PTPRS: variants seen among roughly 807,000 people sequenced by gnomAD.
PTPRS encodes the protein protein tyrosine phosphatase receptor type S, also known as receptor-type tyrosine-protein phosphatase S.
A neutral mutation model predicts 215.3 loss-of-function variants in PTPRS; 63 were observed. That is an observed-to-expected ratio of 0.29 (90% CI 0.24 to 0.36). PTPRS has a LOEUF of 0.36. Ranked by LOEUF, PTPRS falls within the 10% of genes least tolerant of loss-of-function variation. PTPRS has a pLI of 1.00. For missense variants in PTPRS, 2,258 were observed against 2,825.8 expected, an observed-to-expected ratio of 0.80 and a Z score of 4.56; for synonymous variants, 1,404 against 1,191.4, an observed-to-expected ratio of 1.18 and a Z score of -3.68.
At chr19:5,254,650 C>T (rs2045415573) in intron 9 of PTPRS, among the ~76,000 whole-genome samples, 1 of 152,164 alleles carries the variant, frequency 6.6e-6, no homozygotes, top group Non-Finnish European at 1.5e-5. Flanking sequence ...CAGAATTCCA[C>T]AGCTCTGATG....
intron 16 of PTPRS, among the ~76,000 whole-genome samples, chr19:5,226,482 G>A (rs541965624): frequency 5.9e-5 from 9 of 151,944 alleles, no homozygotes; most frequent in African/African-American, 2.2e-4. Context: ...TGTAATCCCA[G>A]CACTTTGGGA....
chr19:5,225,612 G>GCTGCCTGGTGCACCCT lies in PTPRS; in HGVS notation c.2494+99_2494+114dup, dbSNP rs574780771. On this transcript the variant is annotated intron_variant, in intron 17 of 37. Transcript: ENST00000262963. ...CTCACACCTTTGTCTCACTGTTCCA[G>GCTGCCTGGTGCACCCT]CTGCCTGGTGCACCCTCTGCCTGCC... is the stretch of plus-strand genomic sequence containing the variant. 290 of 930,208 alleles carry GCTGCCTGGTGCACCCT rather than the reference G, an allele frequency of 3.1e-4. 2 individuals carry two copies. In the African/African-American group the frequency reaches 4.3e-3, roughly 14 times the overall value. 57.6% of individuals were successfully genotyped at this position (930,208 alleles called of 1,614,324 possible). A position where few individuals can be genotyped will look rare whatever the true frequency, so the allele number is the denominator to read the frequency against.
At chr19:5,303,423 T>C (rs2049366058) in intron 1 of PTPRS, among the ~76,000 whole-genome samples, 1 of 152,140 alleles carries the variant, frequency 6.6e-6, no homozygotes, top group Non-Finnish European at 1.5e-5. Flanking sequence ...GCTAGAGCTG[T>C]CTTGAGTGCT....
Position 5,332,150 on chromosome 19 carries a change from A to G in PTPRS, c.-95+8514T>C, listed in dbSNP as rs1378252005. Reference sequence around the variant, plus strand: ...GGGCAATTTTTTTTTTTTTTTAGACAGAGTCTCACTCTATCGCCCAGGCTG... The same window carrying G: ...GGGCAATTTTTTTTTTTTTTTAGACGGAGTCTCACTCTATCGCCCAGGCTG... On this transcript the variant is annotated intron_variant, in intron 1 of 37. Coordinates refer to ENST00000262963, the MANE Select transcript of PTPRS (RefSeq NM_002850.4). 6.6e-5 allele frequency among the ~76,000 whole-genome samples: 10 copies of G among 151,142 alleles called. No homozygotes were observed. The East Asian group carries it at 1.5e-3, about 23-fold the overall frequency.
At chr19:5,225,087 TTTC>T (rs2042361067) in intron 17 of PTPRS, among the ~76,000 whole-genome samples, 1 of 152,116 alleles carries the variant, frequency 6.6e-6, no homozygotes, top group Non-Finnish European at 1.5e-5. Flanking sequence ...GCAGCCTCTT[TTTC>T]TTAATTCAGC....
intron 13 of PTPRS, among the ~76,000 whole-genome samples, chr19:5,235,089 C>T (rs987951204): frequency 3.3e-5 from 5 of 152,092 alleles, no homozygotes; most frequent in African/African-American, 7.2e-5. Context: ...TACAGGCGCC[C>T]GCCACCACGC....
intron 1 of PTPRS, among the ~76,000 whole-genome samples, chr19:5,328,816 A>G (rs2050237972): frequency 6.6e-6 from 1 of 152,114 alleles, no homozygotes. Flanking sequence ...CCAGCTACTC[A>G]GGAGGTTGAG....
In PTPRS at chr19:5,257,441, T is replaced by C. The variant is rs2045647364; in HGVS notation, c.706+576A>G. The C allele has an allele frequency of 1.1e-5, 5 of 458,468 alleles. No individual in the cohort carries two copies. Among genetic ancestry groups the C allele is most frequent in the Non-Finnish European group, 1.8e-5 (4 of 228,098 alleles). 28.4% of individuals were successfully genotyped at this position (458,468 alleles called of 1,614,324 possible). A position where few individuals can be genotyped will look rare whatever the true frequency, so the allele number is the denominator to read the frequency against. ...CTGGACTGCCCTTCTCGGAGAGTCA[T>C]TAGGAAGAGGCAGAAGGCGCCGGGC... On this transcript the variant is annotated intron_variant, in intron 8 of 37. Transcript: ENST00000262963. This position sits in a 1 kb window ranked among gnomAD's most constrained non-coding sequence, Gnocchi z 4.4.
At chr19:5,309,921 G>A (rs556177105) in intron 1 of PTPRS, among the ~76,000 whole-genome samples, 6 of 152,260 alleles carry the variant, frequency 3.9e-5, no homozygotes, top group East Asian at 1.9e-4. Flanking sequence ...CTGTGAACAC[G>A]TCGGTCAGGG....
At chr19:5,269,921 CAAAAA>C (rs33953639) in intron 4 of PTPRS, among the ~76,000 whole-genome samples, 4 of 82,628 alleles carry the variant, frequency 4.8e-5, no homozygotes, top group African/African-American at 2.0e-4. Flanking sequence ...AACTCCATCT[CAAAAA>C]AAAAAAAAAA....
Position 5,221,123 on chromosome 19 carries a change from T to G in PTPRS, c.3332A>C (p.Gln1111Pro). Residue 1111 changes from glutamine (Q) to proline (P), a missense_variant, in exon 20 of 38, where the codon CAG (glutamine) becomes CCG (proline). This residue lies in a region of PTPRS where 927 missense variants were observed against 1,125.9 expected (regional missense o/e 0.82). Coordinates refer to ENST00000262963, the MANE Select transcript of PTPRS (RefSeq NM_002850.4). ...GAAGGCAGTCCAGGCGGTGACCGTC[T>G]GCTGGAGGCCGCCCAGGCTGCTGCC... ...NRGSSLGGLQ[Q>P]TVTAWTAFNL... 6.2e-7 allele frequency: 1 copy of G among 1,614,038 alleles called. No homozygotes were observed. The highest frequency in any genetic ancestry group is 8.5e-7 in the Non-Finnish European group (1 of 1,180,004).
chr19:5,220,082 A>G lies in PTPRS; in HGVS notation c.3622T>C (p.Tyr1208His). 6.2e-7 allele frequency: 1 copy of G among 1,613,904 alleles called. No homozygotes were observed. Among genetic ancestry groups the G allele is most frequent in the African/African-American group, 1.3e-5 (1 of 75,058 alleles). ...AGCACAGAGAAGCGAGCTGCAATAT[A>G]GGGCCGGGGCACCTCCAGCTGACGC... ...HSRQLEVPRPYIAARFSVLPP... is the reference protein window; with the variant it reads ...HSRQLEVPRPHIAARFSVLPP... Residue 1208 changes from tyrosine to histidine, a missense_variant, in exon 22 of 38, where the codon TAT becomes CAT. By Grantham distance (83) the Tyr-to-His change is moderately conservative. Coordinates refer to ENST00000262963, the MANE Select transcript of PTPRS (RefSeq NM_002850.4).
rs1213346570 is a variant in PTPRS at position 5,210,633 on chromosome 19, G to A, written c.5362-39C>T. 5 of 1,614,074 alleles carry A rather than the reference G, an allele frequency of 3.1e-6. No individual in the cohort carries two copies. The highest frequency in any genetic ancestry group is 4.2e-6 in the Non-Finnish European group (5 of 1,180,002). ...GGCGGCCGTGGTCAGCGCTGTCTGAGCCACAGTCTGGCCCTCGCCCTTCCC... is the reference window on the plus strand; with the variant it reads ...GGCGGCCGTGGTCAGCGCTGTCTGAACCACAGTCTGGCCCTCGCCCTTCCC... On this transcript the variant is annotated intron_variant, in intron 34 of 37. Coordinates refer to ENST00000262963, the MANE Select transcript of PTPRS (RefSeq NM_002850.4). This position sits in a 1 kb window ranked among gnomAD's most constrained non-coding sequence, Gnocchi z 4.5.
rs916689110 is a variant in PTPRS at position 5,256,162 on chromosome 19, G to A, written c.707-43C>T. On this transcript the variant is annotated intron_variant, in intron 8 of 37. Coordinates refer to ENST00000262963, the MANE Select transcript of PTPRS (RefSeq NM_002850.4). ...GGTTTGATGCAGAACACAATGACAT[G>A]GGAAGAAGAGAAAAAATAGGGGAGA... 3 of 1,475,226 alleles carry A rather than the reference G, an allele frequency of 2.0e-6. 1 individual carries two copies. In the Admixed American group the frequency reaches 5.5e-5, roughly 27 times the overall value. 91.4% of individuals were successfully genotyped at this position (1,475,226 alleles called of 1,614,324 possible).
intron 9 of PTPRS, 138 bp downstream of exon 9, chr19:5,255,970 T>C (rs1037201954): frequency 3.8e-5 from 24 of 631,298 alleles, no homozygotes; most frequent in Admixed American, 2.0e-4. Context: ...AAAATTGTTG[T>C]TCATTTTTCT....
At chr19:5,299,153 C>T (rs2049228789) in intron 1 of PTPRS, among the ~76,000 whole-genome samples, 1 of 152,158 alleles carries the variant, frequency 6.6e-6, no homozygotes, top group Non-Finnish European at 1.5e-5. Context: ...AGTCAGGTCC[C>T]GTCCCTCCTC....
chr19:5,330,966 G>A (rs1041276568), intron 1 of PTPRS, among the ~76,000 whole-genome samples: 1 of 152,052 alleles, frequency 6.6e-6, no homozygotes, highest in African/African-American at 2.4e-5. Context: ...TGGGGCAGTG[G>A]AACCAGGACA....
At chr19:5,232,373 C>T (rs2043090332) in intron 13 of PTPRS, among the ~76,000 whole-genome samples, 1 of 148,362 alleles carries the variant, frequency 6.7e-6, no homozygotes, top group Non-Finnish European at 1.5e-5. Flanking sequence ...GGAATGGCAG[C>T]AGAAGCTCTG....
chr19:5,299,609 C>T (rs555029434), intron 1 of PTPRS, among the ~76,000 whole-genome samples: 26 of 152,212 alleles, frequency 1.7e-4, no homozygotes, highest in Non-Finnish European at 3.5e-4. Context: ...TGGTGGCTCA[C>T]GCCTGTAATC....
Sources: gnomAD v4.1 joint callset for allele counts (sites outside exome capture counted in the v4.1 genomes callset) on GRCh38, gnomAD v4.1.1 for gene constraint, gnomAD v4.1.1 regional missense constraint, Gnocchi (gnomAD v3.1) non-coding constraint, MANE v1.5 for transcripts, NCBI Gene and HGNC (gene_info 2026-07-23, HGNC 2026-07-21) for gene names.